The following PCDHGA6 variants were observed in gnomAD, a reference collection of about 807,000 sequenced individuals.
PCDHGA6 encodes the protein protocadherin gamma-A6.
In PCDHGA6, 41 loss-of-function variants were observed where a neutral mutation model predicts 60.6. That is an observed-to-expected ratio of 0.68 (90% confidence interval 0.53 to 0.88). The LOEUF (loss-of-function observed/expected upper bound fraction) is 0.88, where lower values mean the gene tolerates loss of function less well. Among genes scored for constraint, PCDHGA6 ranks in the 40% least tolerant of loss-of-function variants. The pLI, the probability that PCDHGA6 is intolerant of heterozygous loss-of-function variation, is 0.00. For synonymous variants in PCDHGA6, 594 were observed against 524.4 expected, an observed-to-expected ratio of 1.13 and a Z score of -1.81; for missense variants, 1,312 against 1,203.0, an observed-to-expected ratio of 1.09 and a Z score of -1.34.
chr5:141,440,481 T>C (rs1451820594), intron 1 of PCDHGA6: 1 of 152,196 alleles, frequency 6.6e-6, no homozygotes, highest in African/African-American at 2.4e-5. Context: ...GAAAATTCTT[T>C]AAATGTTTTT....
chr5:141,400,858 G>A (rs1332975731), intron 1 of PCDHGA6, among the ~76,000 whole-genome samples: 1 of 152,108 alleles, frequency 6.6e-6, no homozygotes, highest in Non-Finnish European at 1.5e-5. Context: ...TTTATTGTAT[G>A]TAGATAAACC....
In PCDHGA6 at chr5:141,505,574, CCT is replaced by C. The variant is rs562555098; in HGVS notation, c.2572+94_2572+95del. 5.3e-5 allele frequency: 85 copies of C among 1,593,636 alleles called. No individual in the cohort carries two copies. The African/African-American group carries it at 1.0e-3, about 20-fold the overall frequency. On this transcript the variant is annotated intron_variant, in intron 3 of 3. Coordinates refer to ENST00000517434, the MANE Select transcript of PCDHGA6 (RefSeq NM_018919.3). ...CCATGCCCACGGACTGGATGTCAAACCTGTGTAGTTTCTCCAGATCTTTCGGC... is the reference window on the plus strand; with the variant it reads ...CCATGCCCACGGACTGGATGTCAAACGTGTAGTTTCTCCAGATCTTTCGGC...
chr5:141,399,133 G>T (rs1054849184), intron 1 of PCDHGA6: 2 of 1,613,832 alleles, frequency 1.2e-6, no homozygotes, highest in African/African-American at 1.3e-5. Flanking sequence ...TATTCAAGAT[G>T]AAAATGACAA....
chr5:141,388,930 C>G, intron 1 of PCDHGA6: 1 of 1,614,002 alleles, frequency 6.2e-7, no homozygotes, highest in South Asian at 1.1e-5. Flanking sequence ...ATATTCCAGT[C>G]TCTACCCAAC....
At chr5:141,408,019 A>G (rs1589652051) in intron 1 of PCDHGA6, 1 of 1,031,592 alleles carries the variant, frequency 9.7e-7, no homozygotes, top group Admixed American at 3.2e-5. Context: ...GCAGCCAACA[A>G]CAGAAAGAAG....
At chr5:141,408,917 C>T (rs549266523) in intron 1 of PCDHGA6, 2 of 1,613,248 alleles carry the variant, frequency 1.2e-6, no homozygotes, top group Non-Finnish European at 8.5e-7. Context: ...CAATGATAAC[C>T]CCCCGGTTTT....
intron 1 of PCDHGA6, chr5:141,430,857 A>T: frequency 6.3e-7 from 1 of 1,591,434 alleles, no homozygotes; most frequent in Non-Finnish European, 8.5e-7. Flanking sequence ...CAGATACGCT[A>T]TTCAGTTCCG....
chr5:141,491,702 T>A lies in PCDHGA6; in HGVS notation c.2425-3105T>A. The A allele has an allele frequency of 6.2e-7, 1 of 1,611,514 alleles. No homozygotes were observed. Among genetic ancestry groups the A allele is most frequent in the Non-Finnish European group, 8.5e-7 (1 of 1,178,984 alleles). ...AATACGCTGCGGGAGCGGAGCCAGG[T>A]GAGGGGCTCGGCGCCGCCCCGGGCG... On this transcript the variant is annotated intron_variant, in intron 1 of 3. Coordinates refer to ENST00000517434, the MANE Select transcript of PCDHGA6 (RefSeq NM_018919.3). The surrounding 1 kb of genome is among the most constrained non-coding windows in gnomAD (Gnocchi z 6.9).
chr5:141,396,295 AG>A (rs1561657375), intron 1 of PCDHGA6: 1 of 151,978 alleles, frequency 6.6e-6, no homozygotes, highest in African/African-American at 2.4e-5. Flanking sequence ...ACTCCAGCCT[AG>A]GTGGCAGAAC....
chr5:141,403,434 A>G, intron 1 of PCDHGA6: 1 of 1,614,024 alleles, frequency 6.2e-7, no homozygotes, highest in Non-Finnish European at 8.5e-7. Flanking sequence ...ATTGATCCGG[A>G]TGTTGGCGTG....
At chr5:141,410,818 T>C (rs567397835) in intron 1 of PCDHGA6, 1 of 556,016 alleles carries the variant, frequency 1.8e-6, no homozygotes, top group African/African-American at 2.1e-5. Context: ...TGTAAAATAA[T>C]GTCACCAGAC....
intron 1 of PCDHGA6, chr5:141,414,875 T>G: frequency 6.2e-7 from 1 of 1,614,196 alleles, no homozygotes; most frequent in Non-Finnish European, 8.5e-7. Context: ...CCCGAGATCC[T>G]GTACCCCGCC....
chr5:141,393,752 AT>A, intron 1 of PCDHGA6: 1 of 1,613,942 alleles, frequency 6.2e-7, no homozygotes, highest in Non-Finnish European at 8.5e-7. Flanking sequence ...AAGAATGTTC[AT>A]TTTATGAAAT....
rs371319055 is a variant in PCDHGA6 at position 141,399,494 on chromosome 5, G to C, written c.2424+22987G>C. 328 of 1,614,032 alleles carry C rather than the reference G, an allele frequency of 2.0e-4. 1 individual carries two copies. The highest frequency in any genetic ancestry group is 1.7e-3 in the South Asian group (152 of 91,086). ...TTCCACCAGGCGTCCTACTTAGTCA[G>C]TGTACCCGAAAACAACCCTCCTGGG... is the stretch of plus-strand genomic sequence containing the variant. On this transcript the variant is annotated intron_variant, in intron 1 of 3. Coordinates refer to ENST00000517434, the MANE Select transcript of PCDHGA6 (RefSeq NM_018919.3).
intron 3 of PCDHGA6, among the ~76,000 whole-genome samples, chr5:141,508,841 C>A (rs969875150): frequency 6.6e-6 from 1 of 152,140 alleles, no homozygotes; most frequent in East Asian, 1.9e-4. Context: ...TCCCCTACCC[C>A]TTCCATTCCC....
At chr5:141,410,335 T>C (rs2095381391) in intron 1 of PCDHGA6, 1 of 1,613,894 alleles carries the variant, frequency 6.2e-7, no homozygotes, top group African/African-American at 1.3e-5. Context: ...TTCTGGCCAT[T>C]GCCTTGCGCC....
intron 1 of PCDHGA6, chr5:141,419,960 G>A (rs773071584): frequency 5.0e-6 from 8 of 1,613,960 alleles, no homozygotes; most frequent in South Asian, 4.4e-5. Context: ...CTTGATTTCT[G>A]TGCTCTTTCT....
At chr5:141,413,979 C>T in intron 1 of PCDHGA6, 1 of 1,613,394 alleles carries the variant, frequency 6.2e-7, no homozygotes, top group Non-Finnish European at 8.5e-7. Flanking sequence ...TGCTGACAGT[C>T]ACAGCCACCG....
chr5:141,476,565 C>T lies in PCDHGA6; in HGVS notation c.2425-18242C>T. 6.2e-7 allele frequency: 1 copy of T among 1,614,184 alleles called. No individual in the cohort carries two copies. Among genetic ancestry groups the T allele is most frequent in the Non-Finnish European group, 8.5e-7 (1 of 1,180,034 alleles). On this transcript the variant is annotated intron_variant, in intron 1 of 3. Coordinates refer to ENST00000517434, the MANE Select transcript of PCDHGA6 (RefSeq NM_018919.3). This position sits in a 1 kb window ranked among gnomAD's most constrained non-coding sequence, Gnocchi z 7.6. ...TTGGAGATTAGCGAGGCCGTGGCTC[C>T]GGGGACGCGCTTTCCGCTCGAGAGC...
Sources: allele counts gnomAD v4.1 joint callset (sites outside exome capture counted in the v4.1 genomes callset), GRCh38; gene constraint gnomAD v4.1.1; non-coding constraint Gnocchi (gnomAD v3.1); transcripts MANE v1.5; gene names NCBI Gene and HGNC (gene_info 2026-07-23, HGNC 2026-07-21).